Variants in COL5A2 observed in about 807,000 individuals in gnomAD.
COL5A2 encodes collagen alpha-2(V) chain.
A neutral mutation model predicts 208.2 loss-of-function variants in COL5A2; 23 were observed. That is an observed-to-expected ratio of 0.11 (90% CI 0.08 to 0.16). The LOEUF (loss-of-function observed/expected upper bound fraction) is 0.16. Ranked by LOEUF, COL5A2 falls within the 10% of genes least tolerant of loss-of-function variation. The pLI, the probability that COL5A2 is intolerant of heterozygous loss-of-function variation, is 1.00. For missense variants in COL5A2, 1,590 were observed against 1,956.4 expected, an observed-to-expected ratio of 0.81 and a Z score of 3.53; for synonymous variants, 625 against 628.5, an observed-to-expected ratio of 0.99 and a Z score of 0.08.
the COL5A2 span, among the ~76,000 whole-genome samples, chr2:189,359,185 G>A: frequency 6.6e-6 from 1 of 152,144 alleles, no homozygotes; most frequent in African/African-American, 2.4e-5. Context: ...TCACCATTGA[G>A]TATGATATTA....
At chr2:189,330,474 G>T in the COL5A2 span, among the ~76,000 whole-genome samples, 1 of 152,172 alleles carries the variant, frequency 6.6e-6, no homozygotes, top group Non-Finnish European at 1.5e-5. Context: ...AACCCAGAAA[G>T]CTGAAATAAT....
intron 29 of COL5A2, 144 bp downstream of exon 29, chr2:189,062,721 A>T: frequency 1.2e-6 from 1 of 847,498 alleles, no homozygotes. Context: ...ATCAAAAGAG[A>T]AGGTATAACA....
intron 1 of COL5A2, among the ~76,000 whole-genome samples, chr2:189,127,250 T>C (rs1559116247): frequency 6.6e-6 from 1 of 151,926 alleles, no homozygotes; most frequent in Non-Finnish European, 1.5e-5. Context: ...TTGGAAAAAA[T>C]GGCAGCATCA....
chr2:189,185,250 C>T (rs1037489326), intron 1 of COL5A2, among the ~76,000 whole-genome samples: 2 of 152,136 alleles, frequency 1.3e-5, no homozygotes, highest in Admixed American at 1.3e-4. Flanking sequence ...GTCTCAAACT[C>T]CTGACCTTTT....
chr2:189,189,683 T>G (rs998443403), intron 1 of COL5A2, among the ~76,000 whole-genome samples: 1 of 62,890 alleles, frequency 1.6e-5, no homozygotes, highest in African/African-American at 3.2e-5. Flanking sequence ...TATGTGTGCA[T>G]GTATATATAT....
At chr2:189,062,768 C>T (rs949558782) in intron 29 of COL5A2, 97 bp downstream of exon 29, 21 of 1,402,092 alleles carry the variant, frequency 1.5e-5, no homozygotes, top group Admixed American at 1.4e-4. Flanking sequence ...ATTCACTTTC[C>T]CTGAAACTTA....
chr2:189,356,228 G>A, the COL5A2 span, among the ~76,000 whole-genome samples: 1 of 151,936 alleles, frequency 6.6e-6, no homozygotes, highest in African/African-American at 2.4e-5. Context: ...TTCCACCTTG[G>A]TGAATCTGAG....
At chr2:189,323,902 C>T in the COL5A2 span, among the ~76,000 whole-genome samples, 13 of 152,138 alleles carry the variant, frequency 8.5e-5, no homozygotes, top group African/African-American at 2.7e-4. Context: ...GGAGGCATCA[C>T]GCTACCTGAC....
chr2:189,253,964 C>T, the COL5A2 span, among the ~76,000 whole-genome samples: 1 of 152,216 alleles, frequency 6.6e-6, no homozygotes, highest in Admixed American at 6.5e-5. Flanking sequence ...GATTCACTCA[C>T]TCACACACTC....
chr2:189,358,727 T>C, the COL5A2 span, among the ~76,000 whole-genome samples: 2 of 152,250 alleles, frequency 1.3e-5, no homozygotes, highest in African/African-American at 4.8e-5. Flanking sequence ...TTCCATTTTA[T>C]TGTGTGCGTC....
chr2:189,189,254 G>C (rs905837902), intron 1 of COL5A2, among the ~76,000 whole-genome samples: 6 of 152,154 alleles, frequency 3.9e-5, no homozygotes, highest in African/African-American at 1.4e-4. Flanking sequence ...TCTCCTGATA[G>C]AGATGTATCA....
chr2:189,341,294 C>T, the COL5A2 span, among the ~76,000 whole-genome samples: 2 of 152,090 alleles, frequency 1.3e-5, no homozygotes, highest in Middle Eastern at 3.2e-3. Flanking sequence ...CATTTGGTGT[C>T]TAGTAGTTGC....
At chr2:189,236,819 C>T in the COL5A2 span, among the ~76,000 whole-genome samples, 7 of 151,834 alleles carry the variant, frequency 4.6e-5, 1 homozygote, top group South Asian at 1.5e-3. Flanking sequence ...CAAATAAACT[C>T]CCACTCACTC....
At chr2:189,068,735 C>T (rs748269703) in intron 19 of COL5A2, 51 bp downstream of exon 19, 1 of 1,295,772 alleles carries the variant, frequency 7.7e-7, no homozygotes, top group Non-Finnish European at 1.1e-6. Context: ...TCTGATGTTA[C>T]AAGAAATGTC....
the COL5A2 span, among the ~76,000 whole-genome samples, chr2:189,406,418 G>GATGATTTAGAA: frequency 6.6e-6 from 1 of 152,224 alleles, no homozygotes; most frequent in East Asian, 1.9e-4. Flanking sequence ...AAATGTCTAA[G>GATGATTTAGAA]ATCATCAAAA....
chr2:189,367,204 T>C, the COL5A2 span, among the ~76,000 whole-genome samples: 4 of 152,162 alleles, frequency 2.6e-5, no homozygotes, highest in Non-Finnish European at 5.9e-5. Flanking sequence ...GGAGTATATC[T>C]GATATTTTCC....
chr2:189,319,908 A>AC, the COL5A2 span, among the ~76,000 whole-genome samples: 3 of 151,842 alleles, frequency 2.0e-5, no homozygotes, highest in African/African-American at 4.8e-5. Context: ...TCTGGGAGGC[A>AC]CCCCCCCAGT....
chr2:189,116,245 T>C (rs1166082228), intron 1 of COL5A2, among the ~76,000 whole-genome samples: 1 of 152,196 alleles, frequency 6.6e-6, no homozygotes, highest in East Asian at 1.9e-4. Context: ...GCCGCCCACG[T>C]GTCAGTCTGG....
At chr2:189,291,116 TA>T in the COL5A2 span, among the ~76,000 whole-genome samples, 1 of 152,164 alleles carries the variant, frequency 6.6e-6, no homozygotes, top group Non-Finnish European at 1.5e-5. Flanking sequence ...AACTGTCTTT[TA>T]AGGAAAGTCA....
Sources: allele counts gnomAD v4.1 joint callset (sites outside exome capture counted in the v4.1 genomes callset), GRCh38; gene constraint gnomAD v4.1.1; transcripts MANE v1.5; gene names NCBI Gene and HGNC (gene_info 2026-07-23, HGNC 2026-07-21).